Variants in SERPINB6 observed in about 807,000 individuals in gnomAD.
SERPINB6 encodes the protein serpin B6.
Under a neutral mutation model 26.1 loss-of-function variants are expected in SERPINB6, and 16 were observed. The ratio of observed to expected loss-of-function variants is 0.61; its 90% CI spans 0.42 to 0.93. The LOEUF is 0.93. SERPINB6 is among the 40% of genes least tolerant of loss of function. SERPINB6 has a pLI of 0.00. For synonymous variants in SERPINB6, 174 were observed against 176.6 expected (o/e 0.99, Z 0.11); for missense variants, 420 against 478.0 (o/e 0.88, Z 1.13).
In SERPINB6 at chr6:2,969,981, A is replaced by G. The variant is rs545359424; in HGVS notation, c.-11+1552T>C. On this transcript the variant is annotated intron_variant, in intron 1 of 6. Coordinates refer to ENST00000380539, the MANE Select transcript of SERPINB6 (RefSeq NM_004568.6). ...GAAACCCCATTGCTACTAAAAATAC[A>G]AAAATTAGCCAGGTATGGAGCCCGG... The G allele has an allele frequency of 3.5e-6, 3 of 847,088 alleles. No individual in the cohort carries two copies. The Admixed American group carries it at 1.9e-4, about 53-fold the overall frequency. The allele number at this position is 847,088 out of a possible 1,614,324, so 52.5% of individuals were successfully genotyped here.
Position 2,953,059 on chromosome 6 carries a change from C to A in SERPINB6, c.558G>T (p.Leu186=), listed in dbSNP as rs778261498. The change falls in exon 5 of 7, where the codon CTG becomes CTT. Residue 186 remains leucine (L), a synonymous_variant. Transcript: ENST00000380539. ...QFDKENTEER[L]FKVSKNEEKP... is the part of the protein sequence containing the mutation. Reference sequence around the variant, plus strand: ...CCTTACTCGCCTTGCTGACTTTAAACAGTCTCTCCTCGGTGTTCTCCTTGT... The same window carrying A: ...CCTTACTCGCCTTGCTGACTTTAAAAAGTCTCTCCTCGGTGTTCTCCTTGT... 1.2e-6 allele frequency: 2 copies of A among 1,614,238 alleles called. No homozygotes were observed.
At chr6:2,965,534 C>A (rs1771545925) in intron 1 of SERPINB6, among the ~76,000 whole-genome samples, 1 of 152,046 alleles carries the variant, frequency 6.6e-6, no homozygotes, top group South Asian at 2.1e-4. Context: ...ATGCTTTATG[C>A]AAACTTACAA....
rs539878046 is a variant in SERPINB6 at position 2,951,289 on chromosome 6, G to A, written c.573+1755C>T. ...TAATCCCAGCTACTCAAGAGGCCAC[G>A]GCAGGAGAATCACCTGAACCCGGGA... On this transcript the variant is annotated intron_variant, in intron 5 of 6. Coordinates refer to ENST00000380539, the MANE Select transcript of SERPINB6 (RefSeq NM_004568.6). 1.4e-3 allele frequency among the ~76,000 whole-genome samples: 216 copies of A among 151,970 alleles called. 1 individual carries two copies. Among genetic ancestry groups the A allele is most frequent in the Admixed American group, 3.9e-3 (60 of 15,256 alleles).
At chr6:2,968,637 C>G (rs1033525632) in intron 1 of SERPINB6, 2 of 1,222,310 alleles carry the variant, frequency 1.6e-6, no homozygotes, top group African/African-American at 3.1e-5. Context: ...CTCTGGGGTC[C>G]TTTTGTTATG....
At position 2,969,045 on chromosome 6, in the gene SERPINB6, G is replaced by A. The variant is rs1224298666; in HGVS notation, c.-11+2488C>T. ...GTTTGAGCATTTTCATTATCACTTC[G>A]CAATAATGCATAAACACTGAACAAT... On this transcript the variant is annotated intron_variant, in intron 1 of 6. Coordinates refer to ENST00000380539, the MANE Select transcript of SERPINB6 (RefSeq NM_004568.6). 19 of 1,167,784 alleles carry A rather than the reference G, an allele frequency of 1.6e-5. 1 individual carries two copies. The highest frequency in any genetic ancestry group is 3.5e-4 in the Middle Eastern group (1 of 2,856). The allele number at this position is 1,167,784 out of a possible 1,614,324, so 72.3% of individuals were successfully genotyped here.
At chr6:2,952,155 AAGAG>A (rs1473892129) in intron 5 of SERPINB6, among the ~76,000 whole-genome samples, 1 of 152,232 alleles carries the variant, frequency 6.6e-6, no homozygotes, top group Non-Finnish European at 1.5e-5. Context: ...TTAAATTTTA[AAGAG>A]AGAAATTATT....
rs534522888 is a variant in SERPINB6, at chr6:2,963,072, T to C, written c.-10-3730A>G. Among the ~76,000 whole-genome samples, 15 of 152,212 alleles carry C rather than the reference T, an allele frequency of 9.9e-5. No homozygotes were observed. In the East Asian group the frequency reaches 2.9e-3, roughly 29 times the overall value. ...CAAAATGAGCACAGTTAGCAAACAA[T>C]TTGATGGTCTACCCAAAAAGCAGCC... is the stretch of plus-strand genomic sequence containing the variant. On this transcript the variant is annotated intron_variant, in intron 1 of 6. Coordinates refer to ENST00000380539, the MANE Select transcript of SERPINB6 (RefSeq NM_004568.6).
Position 2,967,299 on chromosome 6 carries a change from G to T in SERPINB6, c.-11+4234C>A. ...CATGTACAAAAATCAACTCAAGATG[G>T]ATTAAAGGCTTAGATGTAAAAGCCA... On this transcript the variant is annotated intron_variant, in intron 1 of 6. Transcript: ENST00000380539. The surrounding 1 kb of genome is among the most constrained non-coding windows in gnomAD (Gnocchi z 4.3). The T allele has an allele frequency of 1.1e-6, 1 of 878,526 alleles. No individual in the cohort carries two copies. Among genetic ancestry groups the T allele is most frequent in the Non-Finnish European group, 1.4e-6 (1 of 732,454 alleles). 54.4% of individuals were successfully genotyped at this position (878,526 alleles called of 1,614,324 possible). A position where few individuals can be genotyped will look rare whatever the true frequency, so the allele number is the denominator to read the frequency against.
At chr6:2,957,230 T>TC (rs1383314209) in intron 2 of SERPINB6, 1 of 152,138 alleles carries the variant, frequency 6.6e-6, no homozygotes, top group African/African-American at 2.4e-5. Context: ...ATGGAGTGCC[T>TC]CCCCCGGGAA....
chr6:2,966,426 C>T, intron 1 of SERPINB6: 3 of 986,742 alleles, frequency 3.0e-6, no homozygotes, highest in Non-Finnish European at 3.6e-6. Context: ...CCCAGCAGAT[C>T]CGTCTGTGGT....
chr6:2,964,169 G>A (rs971217165), intron 1 of SERPINB6, among the ~76,000 whole-genome samples: 5 of 152,246 alleles, frequency 3.3e-5, no homozygotes, highest in African/African-American at 7.2e-5. Context: ...AGTATTTCCT[G>A]AGTATGATTT....
At chr6:2,958,370 T>C (rs1403007549) in intron 2 of SERPINB6, among the ~76,000 whole-genome samples, 4 of 152,110 alleles carry the variant, frequency 2.6e-5, no homozygotes, top group Admixed American at 6.5e-5. Flanking sequence ...ACATCTGTGG[T>C]GTGCGCACCC....
chr6:2,957,241 C>G (rs1026203728), intron 2 of SERPINB6: 2 of 152,302 alleles, frequency 1.3e-5, no homozygotes, highest in African/African-American at 4.8e-5. Flanking sequence ...CCCCCGGGAA[C>G]TCCTGCATCT....
In SERPINB6 at chr6:2,954,949, G is replaced by C. The variant is rs527989048; in HGVS notation, c.313-240C>G. The C allele has an allele frequency of 1.0e-5, 5 of 478,064 alleles. No individual in the cohort carries two copies. In the East Asian group the frequency reaches 1.2e-4, roughly 11 times the overall value. 29.6% of individuals were successfully genotyped at this position (478,064 alleles called of 1,614,324 possible). A position where few individuals can be genotyped will look rare whatever the true frequency, so the allele number is the denominator to read the frequency against. On this transcript the variant is annotated intron_variant, in intron 3 of 6. Coordinates refer to ENST00000380539, the MANE Select transcript of SERPINB6 (RefSeq NM_004568.6). ...TTACACTTGTAATCCCAGCACTTTG[G>C]GGGGCCGAGGCGGGTGGATCGTGTG...
At chr6:2,963,295 T>A (rs1037786244) in intron 1 of SERPINB6, 1 of 152,244 alleles carries the variant, frequency 6.6e-6, no homozygotes, top group Non-Finnish European at 1.5e-5. Context: ...ATATATACTA[T>A]GTGCTAGGTC....
intron 1 of SERPINB6, chr6:2,970,159 TACA>T (rs1323603596): frequency 2.0e-6 from 2 of 985,002 alleles, no homozygotes; most frequent in Admixed American, 1.2e-4. Flanking sequence ...CCTGGGACCG[TACA>T]ACATCTGCTT....
intron 1 of SERPINB6, chr6:2,969,281 T>A: frequency 1.0e-6 from 1 of 985,558 alleles, no homozygotes; most frequent in South Asian, 4.7e-5. Context: ...ACTCAAGACC[T>A]GTCAATGGCT....
At chr6:2,968,703 A>T (rs1178257076) in intron 1 of SERPINB6, 1 of 1,231,028 alleles carries the variant, frequency 8.1e-7, no homozygotes, top group Non-Finnish European at 1.0e-6. Context: ...TAGACTTTCC[A>T]AACATTCCTA....
At chr6:2,969,790 TG>T (rs1377201135) in intron 1 of SERPINB6, 19 of 817,910 alleles carry the variant, frequency 2.3e-5, no homozygotes, top group Non-Finnish European at 2.8e-5. Flanking sequence ...GTGTGTGTTG[TG>T]TGTGTATGTG....
Sources: allele counts gnomAD v4.1 joint callset (sites outside exome capture counted in the v4.1 genomes callset), GRCh38; gene constraint gnomAD v4.1.1; non-coding constraint Gnocchi (gnomAD v3.1); transcripts MANE v1.5; gene names NCBI Gene and HGNC (gene_info 2026-07-23, HGNC 2026-07-21).